The following WIPF1 variants were observed in gnomAD, a reference collection of about 807,000 sequenced individuals.
The protein encoded by WIPF1 is WAS/WASL-interacting protein family member 1.
Under a neutral mutation model 35.4 loss-of-function variants are expected in WIPF1, and 13 were observed. The ratio of observed to expected loss-of-function variants is 0.37; its 90% confidence interval spans 0.24 to 0.58. WIPF1 has a LOEUF of 0.58. WIPF1 is among the 20% of genes least tolerant of loss of function. The pLI is 0.74. For missense variants in WIPF1, 591 were observed against 667.0 expected, an observed-to-expected ratio of 0.89 and a Z score of 1.25; for synonymous variants, 267 against 266.3, an observed-to-expected ratio of 1.00 and a Z score of -0.02.
rs73973325 is a variant in WIPF1, at chr2:174,635,948, C to T, written c.-39+46826G>A. Reference sequence around the variant, plus strand: ...GATTGCACTTCTGGCTTTGAAAACACACATAACTGTTTTTACCATTTTGAC... The same window carrying T: ...GATTGCACTTCTGGCTTTGAAAACATACATAACTGTTTTTACCATTTTGAC... On this transcript the variant is annotated intron_variant, in intron 1 of 8. Transcript: ENST00000272746. 2.6e-3 allele frequency among the ~76,000 whole-genome samples: 402 copies of T among 152,234 alleles called. 1 individual carries two copies. Among genetic ancestry groups the T allele is most frequent in the African/African-American group, 9.2e-3 (381 of 41,548 alleles).
chr2:174,600,570 G>T (rs965623738), upstream of WIPF1, among the ~76,000 whole-genome samples: 3 of 152,172 alleles, frequency 2.0e-5, no homozygotes, highest in Non-Finnish European at 2.9e-5. Context: ...TGGTACTCAC[G>T]CCTGGTACAC....
chr2:174,565,428 C>T (rs1287114332), intron 7 of WIPF1, among the ~76,000 whole-genome samples: 1 of 152,170 alleles, frequency 6.6e-6, no homozygotes, highest in Non-Finnish European at 1.5e-5. Context: ...CAGTTTGACT[C>T]AATTAATTTA....
intron 3 of WIPF1, 165 bp downstream of exon 3, chr2:174,581,145 C>A (rs1282586037): frequency 1.8e-5 from 17 of 941,274 alleles, no homozygotes; most frequent in Non-Finnish European, 2.3e-5. Flanking sequence ...GGAACCCAAG[C>A]CAAAGCTGCG....
At chr2:174,587,747 C>T (rs1257831176) in intron 1 of WIPF1, 1 of 152,226 alleles carries the variant, frequency 6.6e-6, no homozygotes, top group African/African-American at 2.4e-5. Context: ...CCCTAAAACA[C>T]CCTGAAGCAA....
At chr2:174,675,304 A>C (rs376209576) in intron 1 of WIPF1, among the ~76,000 whole-genome samples, 43 of 152,262 alleles carry the variant, frequency 2.8e-4, no homozygotes, top group African/African-American at 1.0e-3. Context: ...TAGCAAGTAC[A>C]TATGCTTTTG....
chr2:174,645,450 GTCTGTGC>G (rs2105953364), intron 1 of WIPF1, among the ~76,000 whole-genome samples: 1 of 152,320 alleles, frequency 6.6e-6, no homozygotes, highest in East Asian at 1.9e-4. Flanking sequence ...GCAAGATATG[GTCTGTGC>G]TTTACAATGT....
intron 4 of WIPF1, 58 bp downstream of exon 4, chr2:174,575,146 C>G: frequency 6.4e-7 from 1 of 1,551,616 alleles, no homozygotes; most frequent in Non-Finnish European, 8.7e-7. Flanking sequence ...GACCAGCCTC[C>G]AAACTGCCAA....
intron 1 of WIPF1, among the ~76,000 whole-genome samples, chr2:174,645,470 G>A (rs560919597): frequency 2.6e-5 from 4 of 152,278 alleles, no homozygotes; most frequent in Non-Finnish European, 4.4e-5. Flanking sequence ...TACAATGTAC[G>A]TCAAATGGTC....
intron 1 of WIPF1, chr2:174,655,453 CTTAATTCTCA>C (rs1687620590): frequency 2.0e-5 from 3 of 152,324 alleles, no homozygotes; most frequent in Admixed American, 1.3e-4. Flanking sequence ...GAGGCCCCTG[CTTAATTCTCA>C]TTAATTCTCA....
At chr2:174,665,177 A>G (rs1687864071) in intron 1 of WIPF1, 1 of 152,194 alleles carries the variant, frequency 6.6e-6, no homozygotes, top group Non-Finnish European at 1.5e-5. Flanking sequence ...CTCCTTTCAG[A>G]GAACTCAGAA....
In WIPF1 at chr2:174,624,896, G is replaced by A. The variant is rs550653507; in HGVS notation, c.-38-39285C>T. On this transcript the variant is annotated intron_variant, in intron 1 of 8. Transcript: ENST00000272746. Reference sequence around the variant, plus strand: ...GCTGCTGCTCCCAAGGGCCCCCATGGAAGGCTACTGGTGTGGAAGCTGACC... The same window carrying A: ...GCTGCTGCTCCCAAGGGCCCCCATGAAAGGCTACTGGTGTGGAAGCTGACC... Among the ~76,000 whole-genome samples the A allele has an allele frequency of 8.3e-4, 126 of 152,314 alleles. 2 individuals carry two copies. The highest frequency in any genetic ancestry group is 2.7e-3 in the African/African-American group (112 of 41,574).
intron 1 of WIPF1, among the ~76,000 whole-genome samples, chr2:174,636,086 C>T (rs548814855): frequency 1.3e-5 from 2 of 152,166 alleles, no homozygotes; most frequent in Non-Finnish European, 2.9e-5. Context: ...AATAATGGTA[C>T]AATTTTGCCA....
chr2:174,594,487 G>A (rs1030598031), intron 1 of WIPF1, among the ~76,000 whole-genome samples: 8 of 152,038 alleles, frequency 5.3e-5, no homozygotes, highest in Admixed American at 1.3e-4. Context: ...TGAATGACAC[G>A]CCTACCTGTC....
intron 1 of WIPF1, among the ~76,000 whole-genome samples, chr2:174,628,770 T>A (rs576504924): frequency 4.3e-4 from 66 of 152,384 alleles, no homozygotes; most frequent in Admixed American, 1.8e-3. Flanking sequence ...CCATCATTAA[T>A]GAGCTACTTT....
chr2:174,562,135 A>G lies in WIPF1; in HGVS notation c.*412T>C, dbSNP rs924109831. 1.3e-6 allele frequency: 2 copies of G among 1,550,670 alleles called. No homozygotes were observed. Among genetic ancestry groups the G allele is most frequent in the African/African-American group, 1.4e-5 (1 of 73,164 alleles). On this transcript the variant is annotated 3_prime_UTR_variant, in exon 8 of 8. Transcript: ENST00000679041. ...AGCTTGCTTAGGTGGTCTGTGGTTC[A>G]TAGAAACAGAGAGGAGGCCAAGCAT...
chr2:174,590,333 G>T lies in WIPF1; in HGVS notation c.-38-4722C>A, dbSNP rs1037083196. On this transcript the variant is annotated intron_variant, in intron 1 of 7. Transcript: ENST00000679041. The surrounding 1 kb of genome is among the most constrained non-coding windows in gnomAD (Gnocchi z 4.6). The stretch of plus-strand genomic sequence containing the variant: ...GGGGGAGCAAAGCTGTCAGTGGACA[G>T]GGCTTAGCTCTGTCCTTCAGAGGGT... Among the ~76,000 whole-genome samples, 1 of 152,198 alleles carries T rather than the reference G, an allele frequency of 6.6e-6. No individual in the cohort carries two copies. The highest frequency in any genetic ancestry group is 1.5e-5 in the Non-Finnish European group (1 of 68,026).
intron 1 of WIPF1, among the ~76,000 whole-genome samples, chr2:174,641,588 A>G (rs987467590): frequency 3.9e-5 from 6 of 152,184 alleles, no homozygotes; most frequent in Admixed American, 2.6e-4. Flanking sequence ...TCCCACTGGC[A>G]TATCTTACAA....
intron 1 of WIPF1, among the ~76,000 whole-genome samples, chr2:174,620,905 T>C (rs1287272170): frequency 2.0e-5 from 3 of 152,120 alleles, no homozygotes; most frequent in Non-Finnish European, 2.9e-5. Flanking sequence ...CAGGGCCCAC[T>C]GGAGAAGGCT....
At chr2:174,607,393 A>C (rs1686204169) in intron 1 of WIPF1, among the ~76,000 whole-genome samples, 1 of 151,842 alleles carries the variant, frequency 6.6e-6, no homozygotes, top group Non-Finnish European at 1.5e-5. Context: ...ACAGAGCAGG[A>C]CTCCATCTCA....
Sources: gnomAD v4.1 joint callset for allele counts (sites outside exome capture counted in the v4.1 genomes callset) on GRCh38, gnomAD v4.1.1 for gene constraint, Gnocchi (gnomAD v3.1) non-coding constraint, MANE v1.5 for transcripts, NCBI Gene and HGNC (gene_info 2026-07-23, HGNC 2026-07-21) for gene names.